Variants in DNA2 observed in about 807,000 individuals in gnomAD.
DNA2 encodes DNA replication helicase/nuclease 2.
DNA2 carries 101 observed loss-of-function variants against 119.1 expected under a neutral mutation model. The observed-to-expected ratio is 0.85, with a 90% CI of 0.72 to 1.00. The LOEUF is 1.00. Ranked by LOEUF, DNA2 falls within the 50% of genes least tolerant of loss-of-function variation. The probability of loss-of-function intolerance (pLI) is 0.00; values close to 1 mark genes in which losing one functional copy is unlikely to be tolerated. For missense variants in DNA2, 1,121 were observed against 1,255.5 expected, an observed-to-expected ratio of 0.89 and a Z score of 1.62; for synonymous variants, 366 against 424.4, an observed-to-expected ratio of 0.86 and a Z score of 1.69.
At chr10:68,467,762 T>C (rs1197950754) in intron 3 of DNA2, among the ~76,000 whole-genome samples, 2 of 151,830 alleles carry the variant, frequency 1.3e-5, no homozygotes, top group Non-Finnish European at 2.9e-5. Context: ...TGCACATTTA[T>C]TTTTAGTTTA....
At chr10:68,451,986 C>T (rs2052124830) in intron 5 of DNA2, among the ~76,000 whole-genome samples, 1 of 151,970 alleles carries the variant, frequency 6.6e-6, no homozygotes, top group Non-Finnish European at 1.5e-5. Context: ...TTCCAAGATG[C>T]TTCAAATATA....
In DNA2 at chr10:68,443,079, A is replaced by G. The variant is rs1241515803; in HGVS notation, c.1253T>C (p.Val418Ala). The G allele has an allele frequency of 6.3e-7, 1 of 1,579,272 alleles. No individual in the cohort carries two copies. Among genetic ancestry groups the G allele is most frequent in the Non-Finnish European group, 8.6e-7 (1 of 1,161,180 alleles). The change falls in exon 9 of 21, where the codon GTC (valine) becomes GCC (alanine). Residue 418 changes from valine (V) to alanine (A), a missense_variant. Val to Ala is a moderately conservative substitution (Grantham distance 64). Coordinates refer to ENST00000358410, the MANE Select transcript of DNA2 (RefSeq NM_001080449.3). ...TATTTTGGGCAGCATCACAATTGGG[A>G]CTGAACTACAATCCATCTGTTGTTC... ...AVEQQMDCSS[V>A]PIVMLPKIEE...
intron 6 of DNA2, among the ~76,000 whole-genome samples, chr10:68,448,952 T>C (rs1235518706): frequency 7.8e-6 from 1 of 128,094 alleles, no homozygotes; most frequent in Non-Finnish European, 1.6e-5. Context: ...TGTGTGTGTG[T>C]GTGTGTGTGT....
At chr10:68,434,665 A>G (rs2051864998) in intron 10 of DNA2, among the ~76,000 whole-genome samples, 2 of 152,060 alleles carry the variant, frequency 1.3e-5, no homozygotes, top group South Asian at 4.1e-4. Flanking sequence ...AAAAAAGAAA[A>G]TATGTATGTC....
intron 14 of DNA2, 64 bp downstream of exon 14, chr10:68,430,372 T>A (rs1022729762): frequency 1.0e-5 from 12 of 1,201,810 alleles, no homozygotes; most frequent in Admixed American, 4.4e-5. Flanking sequence ...CAGAGTACAG[T>A]TTCTCCCCTC....
chr10:68,466,183 GCTAA>G (rs1422816364), intron 3 of DNA2, among the ~76,000 whole-genome samples: 2 of 151,886 alleles, frequency 1.3e-5, no homozygotes, highest in Non-Finnish European at 2.9e-5. Context: ...ATCATGCCCG[GCTAA>G]CTTTTATTTT....
intron 14 of DNA2, chr10:68,424,683 T>C: frequency 6.2e-7 from 1 of 1,606,524 alleles, no homozygotes; most frequent in Non-Finnish European, 8.5e-7. Flanking sequence ...GCGGCAGAAG[T>C]ACAATGTCCG....
chr10:68,465,870 T>C, intron 3 of DNA2, 58 bp from the exon 4 acceptor site: 1 of 1,349,930 alleles, frequency 7.4e-7, no homozygotes, highest in Non-Finnish European at 9.7e-7. Flanking sequence ...CAATTGTATA[T>C]TTATTACCTA....
chr10:68,427,250 TG>T (rs1254272186), intron 14 of DNA2, among the ~76,000 whole-genome samples: 3 of 151,002 alleles, frequency 2.0e-5, no homozygotes, highest in Non-Finnish European at 4.4e-5. Flanking sequence ...CCCAGCTACT[TG>T]GGAGGCTGAG....
intron 19 of DNA2, among the ~76,000 whole-genome samples, chr10:68,418,045 A>C (rs1201861807): frequency 6.6e-6 from 1 of 152,188 alleles, no homozygotes; most frequent in Non-Finnish European, 1.5e-5. Context: ...TTTAGATTTG[A>C]AAATGAAAAA....
chr10:68,456,405 C>T (rs1489066574), intron 5 of DNA2, among the ~76,000 whole-genome samples: 1 of 152,124 alleles, frequency 6.6e-6, no homozygotes, highest in Non-Finnish European at 1.5e-5. Flanking sequence ...CTTTGTGACT[C>T]ACAAATCTTA....
intron 14 of DNA2, among the ~76,000 whole-genome samples, chr10:68,426,129 C>G (rs905809721): frequency 1.3e-5 from 2 of 151,922 alleles, no homozygotes; most frequent in Non-Finnish European, 2.9e-5. Context: ...GAGGAAGATT[C>G]TGTCTCAAAA....
chr10:68,419,767 C>T (rs765748558), intron 18 of DNA2, 36 bp downstream of exon 18: 2 of 1,480,548 alleles, frequency 1.4e-6, no homozygotes, highest in Admixed American at 1.7e-5. Flanking sequence ...TTATTCTGCA[C>T]TTTAATATTT....
intron 6 of DNA2, among the ~76,000 whole-genome samples, chr10:68,448,932 GGTGT>G (rs776191186): frequency 0.048 from 6,821 of 142,104 alleles, 167 homozygotes; most frequent in African/African-American, 0.064. Context: ...CACCACACCA[GGTGT>G]GTGTGTGTGT....
At chr10:68,418,409 C>T in intron 19 of DNA2, among the ~76,000 whole-genome samples, 1 of 135,904 alleles carries the variant, frequency 7.4e-6, no homozygotes, top group African/African-American at 2.8e-5. Context: ...GAAACGCCGT[C>T]TCAAAAAAAA....
intron 3 of DNA2, among the ~76,000 whole-genome samples, chr10:68,466,723 C>T (rs1029376500): frequency 2.0e-5 from 3 of 151,748 alleles, no homozygotes; most frequent in African/African-American, 7.3e-5. Flanking sequence ...GGACTACAGG[C>T]GCCCGCCACC....
intron 19 of DNA2, among the ~76,000 whole-genome samples, chr10:68,418,310 G>A (rs537796971): frequency 6.3e-4 from 95 of 151,970 alleles, no homozygotes; most frequent in African/African-American, 2.3e-3. Context: ...TATTTGGGAG[G>A]CTGAGACGGA....
At position 68,437,141 on chromosome 10, in the gene DNA2, C is replaced by A. The variant is rs760461755; in HGVS notation, c.1516G>T (p.Ala506Ser). Residue 506 changes from alanine to serine, a missense_variant, in exon 10 of 21, where the codon GCC becomes TCC. Ala to Ser is a moderately conservative substitution (Grantham distance 99, BLOSUM62 1). Transcript: ENST00000358410. ...GCCATTAGATTTGTGACAGGTATGG[C>A]ACCATGTTTACATTGGAAATTATGT... is the stretch of plus-strand genomic sequence containing the variant. ...YLHNFQCKHG[A>S]IPVTNLMAGD... is the part of the protein sequence containing the mutation. The A allele has an allele frequency of 6.2e-7, 1 of 1,613,920 alleles. No homozygotes were observed. Among genetic ancestry groups the A allele is most frequent in the Admixed American group, 1.7e-5 (1 of 60,014 alleles).
chr10:68,424,841 C>T lies in DNA2; in HGVS notation c.2209-1951G>A, dbSNP rs531323632. The T allele has an allele frequency of 8.1e-4, 684 of 839,608 alleles. 2 individuals carry two copies. Among genetic ancestry groups the T allele is most frequent in the Non-Finnish European group, 1.0e-3 (488 of 477,448 alleles). The allele number at this position is 839,608 out of a possible 1,614,324, so 52.0% of individuals were successfully genotyped here. A position where few individuals can be genotyped will look rare whatever the true frequency, so the allele number is the denominator to read the frequency against. ...AGCGTGAGTAGGCCAACAGCACAAC[C>T]GTCCACGTGGGTACTCACCCAAACA... On this transcript the variant is annotated intron_variant, in intron 14 of 20. Coordinates refer to ENST00000358410, the MANE Select transcript of DNA2 (RefSeq NM_001080449.3).
Sources: gnomAD v4.1 joint callset for allele counts (sites outside exome capture counted in the v4.1 genomes callset) on GRCh38, gnomAD v4.1.1 for gene constraint, MANE v1.5 for transcripts, NCBI Gene and HGNC (gene_info 2026-07-23, HGNC 2026-07-21) for gene names.